The following RSU1 variants were observed in gnomAD, a reference collection of about 807,000 sequenced individuals.
The protein encoded by RSU1 is Ras suppressor protein 1, also known as rsu-1.
A neutral mutation model predicts 31.1 loss-of-function variants in RSU1; 26 were observed. The ratio of observed to expected loss-of-function variants is 0.84; its 90% CI spans 0.61 to 1.16. RSU1 has a LOEUF of 1.16. Ranked by LOEUF, RSU1 falls within the 50% of genes most tolerant of loss-of-function variation. The pLI is 0.00. For synonymous variants in RSU1, 164 were observed against 136.3 expected, an observed-to-expected ratio of 1.20 and a Z score of -1.41; for missense variants, 320 against 339.1, an observed-to-expected ratio of 0.94 and a Z score of 0.44.
intron 4 of RSU1, among the ~76,000 whole-genome samples, chr10:16,762,294 T>A (rs891137668): frequency 1.0e-4 from 15 of 149,708 alleles, no homozygotes; most frequent in Admixed American, 2.0e-4. Context: ...GATTGAGATT[T>A]TATATATATA....
At chr10:16,806,229 A>G (rs1258035345) in intron 2 of RSU1, among the ~76,000 whole-genome samples, 1 of 152,214 alleles carries the variant, frequency 6.6e-6, no homozygotes, top group African/African-American at 2.4e-5. Context: ...CAGAATCATT[A>G]GCCCAGACAG....
intron 8 of RSU1, among the ~76,000 whole-genome samples, chr10:16,658,597 A>G (rs955343015): frequency 1.3e-5 from 2 of 152,144 alleles, no homozygotes; most frequent in African/African-American, 2.4e-5. Flanking sequence ...GGTGGCAGGC[A>G]CCTGTAATCC....
intron 8 of RSU1, among the ~76,000 whole-genome samples, chr10:16,679,849 C>A (rs1484988337): frequency 1.4e-5 from 2 of 147,898 alleles, no homozygotes; most frequent in African/African-American, 5.0e-5. Flanking sequence ...CTCCCCTCAT[C>A]TGGCACAATA....
intron 2 of RSU1, among the ~76,000 whole-genome samples, chr10:16,791,813 C>G (rs896799066): frequency 2.6e-5 from 4 of 152,144 alleles, no homozygotes; most frequent in Non-Finnish European, 4.4e-5. Context: ...ATCCACAGCC[C>G]TGTAAGATGA....
chr10:16,789,141 T>A (rs1837859747), intron 2 of RSU1, among the ~76,000 whole-genome samples: 1 of 152,268 alleles, frequency 6.6e-6, no homozygotes, highest in Non-Finnish European at 1.5e-5. Context: ...TTCTTTTCAG[T>A]CATTTCATTG....
At chr10:16,622,556 CAT>C (rs1477556157) in intron 8 of RSU1, among the ~76,000 whole-genome samples, 2 of 152,128 alleles carry the variant, frequency 1.3e-5, no homozygotes, top group Non-Finnish European at 2.9e-5. Flanking sequence ...TACACACACA[CAT>C]ACACACAGGT....
Position 16,592,405 on chromosome 10 carries a change from A to ATGTT in RSU1, c.*985_*988dup, listed in dbSNP as rs1833522570. On this transcript the variant is annotated 3_prime_UTR_variant, in exon 9 of 9. Coordinates refer to ENST00000345264, the MANE Select transcript of RSU1 (RefSeq NM_012425.4). ...AAAGAAGGAAAGCTGCCTATCACAG[A>ATGTT]TGTTAAACAAACAATTGATTGTTTA... is the stretch of plus-strand genomic sequence containing the variant. 1 of 152,202 alleles carries ATGTT rather than the reference A, an allele frequency of 6.6e-6. No individual in the cohort carries two copies. Among genetic ancestry groups the ATGTT allele is most frequent in the Non-Finnish European group, 1.5e-5 (1 of 68,042 alleles). The allele number at this position is 152,202 out of a possible 1,614,324, so 9.4% of individuals were successfully genotyped here.
chr10:16,687,855 G>A (rs1835467156), intron 8 of RSU1, among the ~76,000 whole-genome samples: 9 of 152,010 alleles, frequency 5.9e-5, no homozygotes, highest in Admixed American at 5.9e-4. Flanking sequence ...AAGTAGCTGA[G>A]ACTACAGGCA....
chr10:16,665,787 G>A (rs1834977909), intron 8 of RSU1, among the ~76,000 whole-genome samples: 4 of 152,084 alleles, frequency 2.6e-5, no homozygotes, highest in African/African-American at 4.8e-5. Flanking sequence ...GATATTCCAC[G>A]GATCATCCTA....
At chr10:16,785,526 A>ATACACATATATACAT (rs1240281059) in intron 2 of RSU1, among the ~76,000 whole-genome samples, 21 of 141,786 alleles carry the variant, frequency 1.5e-4, no homozygotes, top group East Asian at 1.0e-3. Context: ...ATATATATAT[A>ATACACATATATACAT]ATATTAGTTC....
chr10:16,749,083 T>C (rs939754937), intron 7 of RSU1, among the ~76,000 whole-genome samples: 1 of 152,100 alleles, frequency 6.6e-6, no homozygotes, highest in Non-Finnish European at 1.5e-5. Flanking sequence ...TGCCCTCAAA[T>C]AGGAACTTAA....
At chr10:16,783,281 A>G (rs1008661092) in intron 2 of RSU1, among the ~76,000 whole-genome samples, 6 of 151,076 alleles carry the variant, frequency 4.0e-5, no homozygotes, top group African/African-American at 1.5e-4. Context: ...TAAGATAAAA[A>G]TTTTTCTCAG....
chr10:16,716,273 G>A (rs908611025), intron 7 of RSU1, among the ~76,000 whole-genome samples: 7 of 152,208 alleles, frequency 4.6e-5, no homozygotes, highest in Non-Finnish European at 7.3e-5. Flanking sequence ...GTTCAACTGA[G>A]TGTAGCAGGA....
intron 3 of RSU1, among the ~76,000 whole-genome samples, chr10:16,781,551 T>C (rs1030233296): frequency 8.5e-5 from 13 of 152,258 alleles, no homozygotes; most frequent in Non-Finnish European, 1.9e-4. Flanking sequence ...AAGTTTTCAA[T>C]GCTTTCAAGT....
At chr10:16,655,138 ATAAT>A (rs1241128542) in intron 8 of RSU1, among the ~76,000 whole-genome samples, 2 of 152,140 alleles carry the variant, frequency 1.3e-5, no homozygotes, top group East Asian at 3.9e-4. Flanking sequence ...ATGCAATCTA[ATAAT>A]TAGTCAATAG....
At chr10:16,720,486 A>G (rs979863238) in intron 7 of RSU1, among the ~76,000 whole-genome samples, 9 of 152,252 alleles carry the variant, frequency 5.9e-5, no homozygotes, top group Admixed American at 2.6e-4. Flanking sequence ...AACATGTATA[A>G]TATTAACAAT....
intron 2 of RSU1, 62 bp from the exon 3 acceptor site, chr10:16,782,146 C>T (rs1837666736): frequency 7.5e-7 from 1 of 1,337,574 alleles, no homozygotes. Flanking sequence ...CCGGATTCTA[C>T]CTGTACTCCT....
At chr10:16,661,831 C>A (rs555122721) in intron 8 of RSU1, among the ~76,000 whole-genome samples, 1 of 152,322 alleles carries the variant, frequency 6.6e-6, no homozygotes, top group Admixed American at 6.5e-5. Flanking sequence ...CAGTCCTGGT[C>A]TCCTTTAGCA....
intron 2 of RSU1, among the ~76,000 whole-genome samples, chr10:16,785,526 A>ATACACATATATACATAT (rs1240281059): frequency 2.0e-4 from 29 of 141,764 alleles, no homozygotes; most frequent in East Asian, 1.6e-3. Flanking sequence ...ATATATATAT[A>ATACACATATATACATAT]ATATTAGTTC....
Sources: gnomAD v4.1 joint callset for allele counts (sites outside exome capture counted in the v4.1 genomes callset) on GRCh38, gnomAD v4.1.1 for gene constraint, MANE v1.5 for transcripts, NCBI Gene and HGNC (gene_info 2026-07-23, HGNC 2026-07-21) for gene names.